DLG1: variants seen among roughly 807,000 people sequenced by gnomAD.
The protein encoded by DLG1 is discs large MAGUK scaffold protein 1, also known as disks large homolog 1.
A neutral mutation model predicts 123.4 loss-of-function variants in DLG1; 42 were observed. The ratio of observed to expected loss-of-function variants is 0.34; its 90% CI spans 0.27 to 0.44. The LOEUF is 0.44. Ranked by LOEUF, DLG1 falls within the 20% of genes least tolerant of loss-of-function variation. The pLI is 1.00. For missense variants in DLG1, 942 were observed against 1,082.6 expected (o/e 0.87, Z 1.82); for synonymous variants, 317 against 356.2 (o/e 0.89, Z 1.24).
At chr3:197,142,880 C>CA in intron 6 of DLG1, 112 bp from the exon 7 acceptor site, 1 of 725,956 alleles carries the variant, frequency 1.4e-6, no homozygotes, top group Non-Finnish European at 2.4e-6. Flanking sequence ...CGACAGTAAT[C>CA]AAACACAATA....
chr3:197,248,016 GGCC>G (rs1752593027), intron 4 of DLG1, among the ~76,000 whole-genome samples: 2 of 152,046 alleles, frequency 1.3e-5, no homozygotes, highest in South Asian at 2.1e-4. Flanking sequence ...TTTATAGGAG[GGCC>G]GCCATCAGAA....
chr3:197,185,379 G>A (rs934058991), intron 5 of DLG1, among the ~76,000 whole-genome samples: 2 of 152,174 alleles, frequency 1.3e-5, no homozygotes, highest in Non-Finnish European at 2.9e-5. Flanking sequence ...CATGTGCTCA[G>A]TAAGGGTGAG....
At chr3:197,203,492 A>C (rs1726927021) in intron 4 of DLG1, among the ~76,000 whole-genome samples, 2 of 152,144 alleles carry the variant, frequency 1.3e-5, no homozygotes, top group Non-Finnish European at 2.9e-5. Flanking sequence ...CATCAATTAT[A>C]AGATGCCCCA....
intron 17 of DLG1, 103 bp from the exon 18 acceptor site, chr3:197,076,788 G>A (rs1003358837): frequency 6.4e-6 from 4 of 627,732 alleles, no homozygotes; most frequent in South Asian, 2.3e-5. Context: ...TGACCACAGT[G>A]TGCAGTTTGT....
At chr3:197,139,025 G>A (rs1015955390) in intron 8 of DLG1, among the ~76,000 whole-genome samples, 1 of 152,100 alleles carries the variant, frequency 6.6e-6, no homozygotes, top group Non-Finnish European at 1.5e-5. Context: ...AAACAATTAA[G>A]TTATTTTTTG....
intron 4 of DLG1, among the ~76,000 whole-genome samples, chr3:197,235,460 A>G (rs1250766461): frequency 2.0e-5 from 3 of 152,240 alleles, no homozygotes; most frequent in Non-Finnish European, 4.4e-5. Context: ...CAGAGCTCAC[A>G]GTAAGCTGAG....
At chr3:197,232,361 T>TAAA (rs34360912) in intron 4 of DLG1, among the ~76,000 whole-genome samples, 1 of 121,256 alleles carries the variant, frequency 8.2e-6, no homozygotes, top group African/African-American at 3.2e-5. Context: ...CCTTGTCTCT[T>TAAA]AAAAAAAAAA....
intron 13 of DLG1, among the ~76,000 whole-genome samples, chr3:197,107,714 A>T (rs1767385188): frequency 6.6e-6 from 1 of 151,988 alleles, no homozygotes; most frequent in South Asian, 2.1e-4. Flanking sequence ...TTAGCTTGAC[A>T]GTCTGTTGTT....
At chr3:197,147,946 T>C (rs550414933) in intron 6 of DLG1, among the ~76,000 whole-genome samples, 1 of 150,642 alleles carries the variant, frequency 6.6e-6, no homozygotes, top group African/African-American at 2.4e-5. Flanking sequence ...TGATCTTGTA[T>C]ATAGAAAATT....
intron 4 of DLG1, among the ~76,000 whole-genome samples, chr3:197,265,215 A>AT (rs1326379392): frequency 6.6e-6 from 1 of 152,254 alleles, no homozygotes; most frequent in African/African-American, 2.4e-5. Flanking sequence ...GACTTGAAAT[A>AT]TAAGCCTTTT....
chr3:197,093,617 T>C (rs1759012259), intron 14 of DLG1, among the ~76,000 whole-genome samples: 2 of 152,148 alleles, frequency 1.3e-5, no homozygotes, highest in Admixed American at 1.3e-4. Flanking sequence ...CTTTACTTCT[T>C]TGTGGTAGGT....
In DLG1 at chr3:197,054,556, T is replaced by C. The variant is rs138846538; in HGVS notation, c.2484-2888A>G. Among the ~76,000 whole-genome samples, 459 of 152,368 alleles carry C rather than the reference T, an allele frequency of 3.0e-3. 1 individual carries two copies. Among genetic ancestry groups the C allele is most frequent in the African/African-American group, 0.011 (438 of 41,598 alleles). On this transcript the variant is annotated intron_variant, in intron 23 of 24. Transcript: ENST00000667157. Reference sequence around the variant, plus strand: ...GTGAATTTTCCATTTCAGTTATTTTTACCTCCAGAATTTCCTTTTGGTTTA... The same window carrying C: ...GTGAATTTTCCATTTCAGTTATTTTCACCTCCAGAATTTCCTTTTGGTTTA...
At chr3:197,223,163 GCATTCTCCTCA>G (rs1464689934) in intron 4 of DLG1, among the ~76,000 whole-genome samples, 1 of 152,104 alleles carries the variant, frequency 6.6e-6, no homozygotes, top group East Asian at 1.9e-4. Context: ...AATGTCCTCT[GCATTCTCCTCA>G]CATTCCCAAA....
At chr3:197,157,706 T>C (rs549383700) in intron 5 of DLG1, among the ~76,000 whole-genome samples, 34 of 152,162 alleles carry the variant, frequency 2.2e-4, no homozygotes, top group South Asian at 8.3e-4. Flanking sequence ...AAAAGTCACA[T>C]AGAATTTCAC....
chr3:197,225,207 C>T lies in DLG1; in HGVS notation c.319-30618G>A, dbSNP rs552183272. Among the ~76,000 whole-genome samples, 140 of 152,318 alleles carry T rather than the reference C, an allele frequency of 9.2e-4. 1 individual carries two copies. The highest frequency in any genetic ancestry group is 3.0e-3 in the African/African-American group (126 of 41,552). ...TCTCCTGACCTCATGATCTACCTGC[C>T]TCAGCATATGTTGTTTTTGATTGCA... On this transcript the variant is annotated intron_variant, in intron 4 of 24. Coordinates refer to ENST00000667157, the MANE Select transcript of DLG1 (RefSeq NM_001366207.1).
chr3:197,109,768 T>C (rs1252165086), intron 13 of DLG1, among the ~76,000 whole-genome samples: 1 of 152,222 alleles, frequency 6.6e-6, no homozygotes, highest in Admixed American at 6.5e-5. Flanking sequence ...TTGCTGGATA[T>C]AGAGTTCTAG....
chr3:197,060,561 A>C (rs1025114485), intron 22 of DLG1, among the ~76,000 whole-genome samples: 8 of 152,182 alleles, frequency 5.3e-5, no homozygotes, highest in African/African-American at 1.4e-4. Flanking sequence ...TAAATAAACA[A>C]ATTTGTGAAA....
In DLG1 at chr3:197,211,833, T is replaced by G. The variant is rs139460970; in HGVS notation, c.319-17244A>C. Among the ~76,000 whole-genome samples the G allele has an allele frequency of 1.4e-5, 2 of 146,112 alleles. 1 individual carries two copies. The highest frequency in any genetic ancestry group is 3.1e-5 in the Non-Finnish European group (2 of 65,128). ...ACGTTCACTGCAGCACTACTCACAA[T>G]AGCAAAGACATGGACATCAATGACA... On this transcript the variant is annotated intron_variant, in intron 4 of 24. Coordinates refer to ENST00000667157, the MANE Select transcript of DLG1 (RefSeq NM_001366207.1).
chr3:197,080,746 G>A (rs1185847459), intron 17 of DLG1: 1 of 199,092 alleles, frequency 5.0e-6, no homozygotes, highest in South Asian at 8.8e-5. Context: ...ACAGGCGTGA[G>A]CCACCATGCC....
Sources: gnomAD v4.1 joint callset for allele counts (sites outside exome capture counted in the v4.1 genomes callset) on GRCh38, gnomAD v4.1.1 for gene constraint, MANE v1.5 for transcripts, NCBI Gene and HGNC (gene_info 2026-07-23, HGNC 2026-07-21) for gene names.